The following KANSL1L variants were observed in gnomAD, a reference collection of about 807,000 sequenced individuals.
KANSL1L encodes the protein KAT8 regulatory NSL complex subunit 1 like, also known as KAT8 regulatory NSL complex subunit 1-like protein.
A neutral mutation model predicts 108.6 loss-of-function variants in KANSL1L; 25 were observed. That is an observed-to-expected ratio of 0.23 (90% CI 0.17 to 0.32). The LOEUF is 0.32. Among genes scored for constraint, KANSL1L ranks in the 10% least tolerant of loss-of-function variants. KANSL1L has a pLI of 1.00. For synonymous variants in KANSL1L, 405 were observed against 395.1 expected (o/e 1.03, Z -0.30); for missense variants, 1,137 against 1,125.7 (o/e 1.01, Z -0.14).
At chr2:210,089,950 C>T (rs1423185979) in intron 5 of KANSL1L, among the ~76,000 whole-genome samples, 1 of 151,292 alleles carries the variant, frequency 6.6e-6, no homozygotes, top group Non-Finnish European at 1.5e-5. Flanking sequence ...CCTACTGTGC[C>T]ATCTACACAG....
At chr2:210,080,072 T>C (rs1286347869) in intron 5 of KANSL1L, among the ~76,000 whole-genome samples, 4 of 151,464 alleles carry the variant, frequency 2.6e-5, no homozygotes, top group Admixed American at 2.0e-4. Flanking sequence ...GTCCCTTCTA[T>C]ACCAATTATT....
At chr2:210,147,862 C>T (rs956381081) in intron 2 of KANSL1L, among the ~76,000 whole-genome samples, 8 of 152,222 alleles carry the variant, frequency 5.3e-5, no homozygotes, top group African/African-American at 1.9e-4. Flanking sequence ...GATCACCTTG[C>T]TTTTCAGTTC....
intron 6 of KANSL1L, among the ~76,000 whole-genome samples, chr2:210,060,900 A>G (rs548638326): frequency 2.0e-5 from 3 of 152,338 alleles, no homozygotes; most frequent in South Asian, 2.1e-4. Flanking sequence ...TAATATTTAT[A>G]TCACATTGAT....
At chr2:210,054,353 T>C (rs989185167) in intron 6 of KANSL1L, among the ~76,000 whole-genome samples, 1 of 150,592 alleles carries the variant, frequency 6.6e-6, no homozygotes. Flanking sequence ...GTAACTAGAC[T>C]ATAACACCAT....
chr2:210,024,530 C>A (rs2093908763), intron 13 of KANSL1L, among the ~76,000 whole-genome samples: 1 of 151,870 alleles, frequency 6.6e-6, no homozygotes, highest in African/African-American at 2.4e-5. Flanking sequence ...CACAATCTTG[C>A]CTTTTTGAGT....
intron 2 of KANSL1L, among the ~76,000 whole-genome samples, chr2:210,149,643 C>T (rs776196155): frequency 6.6e-6 from 1 of 151,578 alleles, no homozygotes; most frequent in South Asian, 2.1e-4. Context: ...TATTTAATGA[C>T]CTAAGATAGA....
At chr2:210,129,279 TACA>T in intron 2 of KANSL1L, 107 bp from the exon 3 acceptor site, 1 of 858,048 alleles carries the variant, frequency 1.2e-6, no homozygotes, top group Non-Finnish European at 1.7e-6. Flanking sequence ...ATTTCCTTTC[TACA>T]ACATGTAATT....
In KANSL1L at chr2:210,023,163, C is replaced by G. The variant is rs752452487; in HGVS notation, c.2750G>C (p.Arg917Pro). 1.9e-6 allele frequency: 3 copies of G among 1,613,848 alleles called. No homozygotes were observed. In the South Asian group the frequency reaches 3.3e-5, roughly 18 times the overall value. ...SQETKSLWWE[R>P]RAFPLKGEDM... The stretch of plus-strand genomic sequence containing the variant: ...TTCACCCTTCAGTGGAAAAGCCCGT[C>G]GTTCCCACCACAAAGACTGAAAGGG... The change falls in exon 15 of 15, where the codon CGA becomes CCA. Residue 917 changes from arginine to proline, a missense_variant. Around this residue, in one of 3 missense-constraint regions of KANSL1L, gnomAD observed 575 missense variants for 567.1 expected, o/e 1.01. Transcript: ENST00000281772.
intron 6 of KANSL1L, among the ~76,000 whole-genome samples, chr2:210,050,918 A>G (rs1559515369): frequency 6.6e-6 from 1 of 151,792 alleles, no homozygotes; most frequent in Non-Finnish European, 1.5e-5. Flanking sequence ...TAATTTTTGT[A>G]TTTTTTTGTA....
intron 3 of KANSL1L, among the ~76,000 whole-genome samples, chr2:210,119,029 C>A (rs920804526): frequency 1.3e-5 from 2 of 151,412 alleles, no homozygotes; most frequent in Non-Finnish European, 2.9e-5. Context: ...ACTAAAAATA[C>A]AAAAATTAGC....
chr2:210,107,025 A>C (rs2094853699), intron 3 of KANSL1L, among the ~76,000 whole-genome samples: 1 of 152,130 alleles, frequency 6.6e-6, no homozygotes, highest in South Asian at 2.1e-4. Context: ...ATAGATAAGA[A>C]AGACAAAAAA....
intron 5 of KANSL1L, among the ~76,000 whole-genome samples, chr2:210,079,648 A>ATATATATGTATGTGTG (rs1553653240): frequency 2.4e-3 from 36 of 15,188 alleles, no homozygotes; most frequent in Non-Finnish European, 2.2e-3. Context: ...ATATATATAT[A>ATATATATGTATGTGTG]TATATATATA....
chr2:210,102,213 G>A lies in KANSL1L; in HGVS notation c.1428+1891C>T, dbSNP rs1025619230. The stretch of plus-strand genomic sequence containing the variant: ...GTAGTATAGTTTAAAGTCAGGTAGC[G>A]TACTGCCTCCAGCTTTGTTCTTTTG... On this transcript the variant is annotated intron_variant, in intron 4 of 14. Coordinates refer to ENST00000281772, the MANE Select transcript of KANSL1L (RefSeq NM_152519.4). 4.6e-5 allele frequency among the ~76,000 whole-genome samples: 7 copies of A among 152,114 alleles called. 1 individual carries two copies. The highest frequency in any genetic ancestry group is 3.9e-4 in the East Asian group (2 of 5,186).
intron 3 of KANSL1L, among the ~76,000 whole-genome samples, chr2:210,106,565 T>G (rs1255240105): frequency 6.6e-6 from 1 of 151,906 alleles, no homozygotes; most frequent in East Asian, 1.9e-4. Context: ...GGCCAGGAGT[T>G]CAACACCAGC....
At chr2:210,038,978 T>G (rs1359963993) in intron 8 of KANSL1L, among the ~76,000 whole-genome samples, 1 of 151,994 alleles carries the variant, frequency 6.6e-6, no homozygotes, top group Non-Finnish European at 1.5e-5. Context: ...TATTATTTAT[T>G]GACTAAGCCA....
intron 1 of KANSL1L, among the ~76,000 whole-genome samples, chr2:210,155,479 ATG>A (rs1265051312): frequency 6.6e-6 from 1 of 152,198 alleles, no homozygotes; most frequent in African/African-American, 2.4e-5. Context: ...TGTTAAAAAT[ATG>A]TGATAGTAAA....
Position 210,104,087 on chromosome 2 carries a change from C to A in KANSL1L, c.1428+17G>T. ...AAAAGTCATTTCATACCACTGATAT[C>A]CTTACTTTGACTTTACCTGTTTTTC... is the stretch of plus-strand genomic sequence containing the variant. On this transcript the variant is annotated intron_variant, in intron 4 of 14. Transcript: ENST00000281772. 6.3e-7 allele frequency: 1 copy of A among 1,588,998 alleles called. No individual in the cohort carries two copies. The highest frequency in any genetic ancestry group is 1.1e-5 in the South Asian group (1 of 90,530).
chr2:210,044,839 G>A lies in KANSL1L; in HGVS notation c.1756-735C>T, dbSNP rs964215148. 3.3e-5 allele frequency among the ~76,000 whole-genome samples: 5 copies of A among 151,822 alleles called. No individual in the cohort carries two copies. The highest frequency in any genetic ancestry group is 7.4e-5 in the Non-Finnish European group (5 of 67,966). On this transcript the variant is annotated intron_variant, in intron 6 of 14. Transcript: ENST00000281772. This position sits in a 1 kb window ranked among gnomAD's most constrained non-coding sequence, Gnocchi z 4.2. ...GACTAGAGTGCAGTGGCAGGATCTC[G>A]GCTCACTGCAACTTCTGCCTCCCGG...
intron 1 of KANSL1L, among the ~76,000 whole-genome samples, chr2:210,160,025 G>A (rs538409345): frequency 1.3e-5 from 2 of 152,250 alleles, no homozygotes; most frequent in East Asian, 1.9e-4. Flanking sequence ...GACAGAGCGA[G>A]ACTCCGTCTC....
Sources: gnomAD v4.1 joint callset for allele counts (sites outside exome capture counted in the v4.1 genomes callset) on GRCh38, gnomAD v4.1.1 for gene constraint, gnomAD v4.1.1 regional missense constraint, Gnocchi (gnomAD v3.1) non-coding constraint, MANE v1.5 for transcripts, NCBI Gene and HGNC (gene_info 2026-07-23, HGNC 2026-07-21) for gene names.